Variants in INPP4B observed in about 807,000 individuals in gnomAD.
INPP4B encodes the protein inositol polyphosphate 4-phosphatase type II.
INPP4B carries 55 observed loss-of-function variants against 122.5 expected under a neutral mutation model. The observed-to-expected ratio is 0.45, with a 90% confidence interval of 0.36 to 0.56. INPP4B has a LOEUF of 0.56. Ranked by LOEUF, INPP4B falls within the 20% of genes least tolerant of loss-of-function variation. The pLI is 0.00. For synonymous variants in INPP4B, 403 were observed against 388.7 expected (o/e 1.04, Z -0.43); for missense variants, 1,000 against 1,097.7 (o/e 0.91, Z 1.26).
chr4:142,475,295 C>A (rs1819620118), intron 2 of INPP4B, among the ~76,000 whole-genome samples: 3 of 151,410 alleles, frequency 2.0e-5, no homozygotes, highest in African/African-American at 7.3e-5. Context: ...AAAAAACCCC[C>A]AAAAAACAAA....
chr4:142,564,260 G>T (rs955767791), intron 2 of INPP4B, among the ~76,000 whole-genome samples: 7 of 152,094 alleles, frequency 4.6e-5, no homozygotes, highest in Non-Finnish European at 8.8e-5. Context: ...AGGAAGGCTT[G>T]GAGCAGAGAA....
At chr4:142,265,339 T>G (rs551825325) in intron 10 of INPP4B, among the ~76,000 whole-genome samples, 1 of 152,218 alleles carries the variant, frequency 6.6e-6, no homozygotes, top group African/African-American at 2.4e-5. Context: ...TGCAAACCAG[T>G]GAAAGCAATG....
intron 21 of INPP4B, among the ~76,000 whole-genome samples, chr4:142,116,082 T>G (rs972157952): frequency 6.6e-6 from 1 of 152,006 alleles, no homozygotes; most frequent in Admixed American, 6.6e-5. Flanking sequence ...TACATAATGG[T>G]AAAGGGATCA....
At chr4:142,673,429 A>AAG (rs1373019067) in intron 2 of INPP4B, among the ~76,000 whole-genome samples, 344 of 152,090 alleles carry the variant, frequency 2.3e-3, no homozygotes, top group African/African-American at 7.6e-3. Flanking sequence ...AAAAAAAAAA[A>AAG]AGTCACACTT....
chr4:142,188,662 C>T (rs1181019496), intron 15 of INPP4B, among the ~76,000 whole-genome samples: 1 of 149,972 alleles, frequency 6.7e-6, no homozygotes, highest in Non-Finnish European at 1.5e-5. Context: ...AAAAAAAATC[C>T]AAGTAGGGAA....
At chr4:142,510,191 T>G (rs941111683) in intron 2 of INPP4B, among the ~76,000 whole-genome samples, 5 of 152,226 alleles carry the variant, frequency 3.3e-5, no homozygotes, top group Admixed American at 2.0e-4. Context: ...CACTTTGCCA[T>G]TATCTGCTTT....
chr4:142,621,589 T>G (rs1191909405), intron 2 of INPP4B, among the ~76,000 whole-genome samples: 1 of 151,948 alleles, frequency 6.6e-6, no homozygotes, highest in Non-Finnish European at 1.5e-5. Context: ...GGGATTTAAA[T>G]TGCAACTTCA....
chr4:142,689,102 C>G (rs1759780686), intron 2 of INPP4B, among the ~76,000 whole-genome samples: 1 of 152,194 alleles, frequency 6.6e-6, no homozygotes, highest in South Asian at 2.1e-4. Flanking sequence ...TAATAAAACT[C>G]TGGTCTCCCA....
intron 7 of INPP4B, among the ~76,000 whole-genome samples, chr4:142,339,553 A>G (rs1340555898): frequency 6.6e-6 from 1 of 152,182 alleles, no homozygotes; most frequent in Non-Finnish European, 1.5e-5. Context: ...GTAGACCCCA[A>G]TCATTGTCTG....
chr4:142,598,334 G>A (rs1159769004), intron 2 of INPP4B, among the ~76,000 whole-genome samples: 1 of 152,138 alleles, frequency 6.6e-6, no homozygotes, highest in Non-Finnish European at 1.5e-5. Flanking sequence ...ACACCACAAG[G>A]GCATTATACC....
chr4:142,156,856 G>C (rs1308063303), intron 17 of INPP4B, among the ~76,000 whole-genome samples: 1 of 152,056 alleles, frequency 6.6e-6, no homozygotes, highest in Non-Finnish European at 1.5e-5. Context: ...CCATTTATTT[G>C]CTTCCCAAAT....
At chr4:142,220,562 C>T (rs905883523) in intron 12 of INPP4B, among the ~76,000 whole-genome samples, 3 of 152,068 alleles carry the variant, frequency 2.0e-5, no homozygotes, top group African/African-American at 7.2e-5. Flanking sequence ...AGAAGTTAAC[C>T]AGAGAAGTTA....
chr4:142,776,669 G>T (rs372639896), intron 1 of INPP4B, among the ~76,000 whole-genome samples: 46 of 152,234 alleles, frequency 3.0e-4, no homozygotes, highest in African/African-American at 1.1e-3. Context: ...AGGTTTGAAT[G>T]ATTTGTTGTG....
intron 2 of INPP4B, among the ~76,000 whole-genome samples, chr4:142,597,794 G>C (rs1400790070): frequency 1.3e-5 from 2 of 152,064 alleles, no homozygotes; most frequent in Admixed American, 6.5e-5. Flanking sequence ...ATAGGCAACA[G>C]CAACTAAAAT....
chr4:142,089,480 C>CACAG (rs1211478932), intron 23 of INPP4B, among the ~76,000 whole-genome samples: 47 of 135,050 alleles, frequency 3.5e-4, no homozygotes, highest in African/African-American at 8.5e-4. Flanking sequence ...CACACACACA[C>CACAG]AGAGAGAGAG....
At chr4:142,194,565 G>T (rs1247099998) in intron 14 of INPP4B, among the ~76,000 whole-genome samples, 1 of 152,090 alleles carries the variant, frequency 6.6e-6, no homozygotes, top group African/African-American at 2.4e-5. Context: ...GAATCCTGAG[G>T]ATCACTACAA....
At chr4:142,117,269 C>G (rs973110671) in intron 21 of INPP4B, among the ~76,000 whole-genome samples, 1 of 152,068 alleles carries the variant, frequency 6.6e-6, no homozygotes, top group African/African-American at 2.4e-5. Flanking sequence ...TGAAACCATT[C>G]CAATCAATAG....
At chr4:142,468,569 C>T (rs560172695) in intron 2 of INPP4B, among the ~76,000 whole-genome samples, 31 of 152,160 alleles carry the variant, frequency 2.0e-4, no homozygotes, top group African/African-American at 5.5e-4. Flanking sequence ...TGCCCCTCTC[C>T]GGGGAGAGTA....
intron 1 of INPP4B, among the ~76,000 whole-genome samples, chr4:142,783,485 T>A (rs905511505): frequency 2.6e-5 from 4 of 152,150 alleles, no homozygotes; most frequent in African/African-American, 4.8e-5. Context: ...TTGGCAATAT[T>A]TATGTTATGG....
Sources: allele counts gnomAD v4.1 joint callset (sites outside exome capture counted in the v4.1 genomes callset), GRCh38; gene constraint gnomAD v4.1.1; transcripts MANE v1.5; gene names NCBI Gene and HGNC (gene_info 2026-07-23, HGNC 2026-07-21).